The following CSMD3 variants were observed in gnomAD, a reference collection of about 807,000 sequenced individuals.
CSMD3 encodes CUB and sushi domain-containing protein 3.
A neutral mutation model predicts 435.2 loss-of-function variants in CSMD3; 177 were observed. The observed-to-expected ratio is 0.41, with a 90% CI of 0.36 to 0.46. The LOEUF is 0.46. Ranked by LOEUF, CSMD3 falls within the 20% of genes least tolerant of loss-of-function variation. CSMD3 has a pLI of 0.34. For synonymous variants in CSMD3, 1,656 were observed against 1,520.5 expected, an observed-to-expected ratio of 1.09 and a Z score of -2.07; for missense variants, 4,265 against 4,504.6, an observed-to-expected ratio of 0.95 and a Z score of 1.52.
At chr8:112,930,154 A>G (rs1346032851) in intron 9 of CSMD3, among the ~76,000 whole-genome samples, 1 of 152,148 alleles carries the variant, frequency 6.6e-6, no homozygotes, top group Non-Finnish European at 1.5e-5. Context: ...ACATGTAGGC[A>G]TATTCATACA....
chr8:113,348,197 G>A (rs746177865), intron 1 of CSMD3, among the ~76,000 whole-genome samples: 7 of 152,146 alleles, frequency 4.6e-5, no homozygotes, highest in Non-Finnish European at 7.4e-5. Flanking sequence ...ATTAAGGTCC[G>A]TTATTAATGT....
intron 10 of CSMD3, among the ~76,000 whole-genome samples, chr8:112,894,862 C>A (rs998019417): frequency 6.7e-6 from 1 of 150,158 alleles, no homozygotes; most frequent in African/African-American, 2.4e-5. Context: ...AAAAAAAACA[C>A]ACACACAAGA....
intron 9 of CSMD3, among the ~76,000 whole-genome samples, chr8:112,923,541 T>C (rs2082812772): frequency 6.6e-6 from 1 of 152,122 alleles, no homozygotes; most frequent in Non-Finnish European, 1.5e-5. Context: ...AAGTCCTGTA[T>C]CTCCCATTCT....
At chr8:113,188,328 G>A (rs1281121336) in intron 3 of CSMD3, among the ~76,000 whole-genome samples, 1 of 151,870 alleles carries the variant, frequency 6.6e-6, no homozygotes, top group Non-Finnish European at 1.5e-5. Context: ...GATATACTAA[G>A]CTCCAGATAT....
chr8:113,216,438 ATGT>A (rs1400773066), intron 3 of CSMD3, among the ~76,000 whole-genome samples: 13 of 152,044 alleles, frequency 8.6e-5, no homozygotes, highest in Middle Eastern at 3.4e-3. Context: ...GGTATGAGTG[ATGT>A]TGTCAAGAGT....
intron 6 of CSMD3, among the ~76,000 whole-genome samples, chr8:113,004,452 G>T (rs575482417): frequency 2.6e-5 from 4 of 152,090 alleles, no homozygotes; most frequent in African/African-American, 9.6e-5. Flanking sequence ...GAAAATATGT[G>T]AGAGAAAAGA....
chr8:113,175,921 G>A (rs1294473402), intron 3 of CSMD3, among the ~76,000 whole-genome samples: 1 of 151,968 alleles, frequency 6.6e-6, no homozygotes, highest in Non-Finnish European at 1.5e-5. Flanking sequence ...CTAGGTGGGG[G>A]AATAAAATGA....
chr8:112,545,489 A>T (rs1246040323), intron 27 of CSMD3, among the ~76,000 whole-genome samples: 1 of 142,254 alleles, frequency 7.0e-6, no homozygotes, highest in African/African-American at 2.7e-5. Context: ...TCTCAAAAAA[A>T]AAAAAAAAAA....
intron 17 of CSMD3, among the ~76,000 whole-genome samples, chr8:112,663,897 G>A (rs185371919): frequency 3.9e-5 from 6 of 152,200 alleles, no homozygotes; most frequent in Admixed American, 3.3e-4. Context: ...GTTGATTCTG[G>A]AGACAGAATT....
chr8:112,527,633 A>AT (rs532102490), intron 27 of CSMD3, among the ~76,000 whole-genome samples: 4 of 151,690 alleles, frequency 2.6e-5, no homozygotes, highest in East Asian at 1.9e-4. Context: ...TGCACAAGGT[A>AT]TTTTTTTTAA....
chr8:112,821,757 T>C (rs960089466), intron 12 of CSMD3, among the ~76,000 whole-genome samples: 2 of 152,210 alleles, frequency 1.3e-5, no homozygotes, highest in Non-Finnish European at 2.9e-5. Context: ...TGTCCTGGCT[T>C]TCTTCTAGAG....
chr8:113,131,909 G>T (rs550021725), intron 4 of CSMD3, among the ~76,000 whole-genome samples: 10 of 152,156 alleles, frequency 6.6e-5, no homozygotes, highest in Non-Finnish European at 1.5e-4. Context: ...TGCTCAGGCT[G>T]GTCTCAAATT....
chr8:112,407,373 T>C (rs1831949942), intron 34 of CSMD3, among the ~76,000 whole-genome samples: 1 of 151,454 alleles, frequency 6.6e-6, no homozygotes, highest in African/African-American at 2.4e-5. Flanking sequence ...TAATTGTGCC[T>C]TTTTTTTGGT....
At chr8:112,577,471 C>T (rs371961865) in intron 23 of CSMD3, among the ~76,000 whole-genome samples, 1 of 152,132 alleles carries the variant, frequency 6.6e-6, no homozygotes, top group Non-Finnish European at 1.5e-5. Context: ...TAATTAAAAT[C>T]AAGACCTTTA....
intron 1 of CSMD3, among the ~76,000 whole-genome samples, chr8:113,331,926 CA>C (rs1451776284): frequency 6.6e-6 from 1 of 151,360 alleles, no homozygotes; most frequent in African/African-American, 2.4e-5. Context: ...AGGTTCTAGC[CA>C]GAGAAATTAG....
intron 51 of CSMD3, among the ~76,000 whole-genome samples, chr8:112,305,411 GA>G (rs1438364318): frequency 6.6e-6 from 1 of 151,806 alleles, no homozygotes; most frequent in East Asian, 1.9e-4. Flanking sequence ...TACTAAATGG[GA>G]AAAAATAATC....
At chr8:112,431,086 A>C (rs1364537579) in intron 32 of CSMD3, among the ~76,000 whole-genome samples, 1 of 150,988 alleles carries the variant, frequency 6.6e-6, no homozygotes, top group East Asian at 1.9e-4. Flanking sequence ...GCCCTCACAG[A>C]TATTTAGGTT....
At chr8:112,572,471 C>T (rs1183278421) in intron 24 of CSMD3, among the ~76,000 whole-genome samples, 1 of 152,048 alleles carries the variant, frequency 6.6e-6, no homozygotes, top group Non-Finnish European at 1.5e-5. Context: ...AGACTCTTTA[C>T]ACAAATTATA....
At chr8:113,297,939 T>G (rs2093734688) in intron 2 of CSMD3, among the ~76,000 whole-genome samples, 2 of 152,062 alleles carry the variant, frequency 1.3e-5, no homozygotes, top group South Asian at 4.1e-4. Context: ...TTAGATGTGA[T>G]TAAGCAGAAG....
Sources: gnomAD v4.1 joint callset for allele counts (sites outside exome capture counted in the v4.1 genomes callset) on GRCh38, gnomAD v4.1.1 for gene constraint, MANE v1.5 for transcripts, NCBI Gene and HGNC (gene_info 2026-07-23, HGNC 2026-07-21) for gene names.